DPP6: variants seen among roughly 807,000 people sequenced by gnomAD.
DPP6 encodes dipeptidyl peptidase like 6, also known as A-type potassium channel modulatory protein DPP6.
DPP6 carries 69 observed loss-of-function variants against 122.6 expected under a neutral mutation model. The observed-to-expected ratio is 0.56, with a 90% CI of 0.46 to 0.69. DPP6 has a LOEUF of 0.69. Among genes scored for constraint, DPP6 ranks in the 30% least tolerant of loss-of-function variants. DPP6 has a pLI of 0.00. For synonymous variants in DPP6, 418 were observed against 433.1 expected (o/e 0.97, Z 0.43); for missense variants, 928 against 1,116.9 (o/e 0.83, Z 2.41).
chr7:154,328,849 C>G (rs1378869531), intron 1 of DPP6, among the ~76,000 whole-genome samples: 2 of 152,122 alleles, frequency 1.3e-5, no homozygotes, highest in Non-Finnish European at 2.9e-5. Flanking sequence ...ATGCCAGAGC[C>G]AAAACCTTGG....
chr7:153,924,245 A>G (rs1196497792), intron 1 of DPP6, among the ~76,000 whole-genome samples: 1 of 151,658 alleles, frequency 6.6e-6, no homozygotes, highest in East Asian at 1.9e-4. Flanking sequence ...AGTAGCTGGG[A>G]TTATAGGCAC....
At chr7:154,077,198 T>A (rs1276155626) in intron 1 of DPP6, among the ~76,000 whole-genome samples, 4 of 152,186 alleles carry the variant, frequency 2.6e-5, no homozygotes, top group Admixed American at 2.6e-4. Context: ...GTTTGTGTAG[T>A]GATTGTAACT....
chr7:154,352,130 GA>G (rs1181714764), intron 1 of DPP6, among the ~76,000 whole-genome samples: 2 of 152,090 alleles, frequency 1.3e-5, no homozygotes, highest in Admixed American at 1.3e-4. Flanking sequence ...AAGTGGAGGG[GA>G]AGCAAACCTT....
At chr7:154,045,915 T>A (rs1799997847) in intron 1 of DPP6, among the ~76,000 whole-genome samples, 2 of 152,220 alleles carry the variant, frequency 1.3e-5, no homozygotes, top group Non-Finnish European at 2.9e-5. Context: ...GTTAACTGAA[T>A]AAGTGAAATG....
At chr7:154,786,625 G>A (rs1298737925) in intron 10 of DPP6, among the ~76,000 whole-genome samples, 1 of 152,166 alleles carries the variant, frequency 6.6e-6, no homozygotes, top group Non-Finnish European at 1.5e-5. Flanking sequence ...GGCCTCTGCA[G>A]CCCTGCAGAA....
At chr7:154,015,799 A>T (rs865873038) in intron 1 of DPP6, among the ~76,000 whole-genome samples, 1 of 152,022 alleles carries the variant, frequency 6.6e-6, no homozygotes. Flanking sequence ...GTCACTCCCA[A>T]GAGGTCCCTG....
chr7:154,617,887 G>T (rs1031168641), intron 5 of DPP6, among the ~76,000 whole-genome samples: 2 of 152,124 alleles, frequency 1.3e-5, no homozygotes, highest in Admixed American at 1.3e-4. Flanking sequence ...ATCGGGAGGC[G>T]TCGTGCTTTT....
intron 1 of DPP6, among the ~76,000 whole-genome samples, chr7:154,277,271 A>C (rs1804204246): frequency 6.6e-6 from 1 of 152,202 alleles, no homozygotes; most frequent in African/African-American, 2.4e-5. Context: ...TATTGCATCC[A>C]TGAATAATAA....
At chr7:153,769,346 AATAC>A in the DPP6 span, among the ~76,000 whole-genome samples, 2 of 152,222 alleles carry the variant, frequency 1.3e-5, no homozygotes, top group Non-Finnish European at 2.9e-5. Context: ...CAAGCTAATT[AATAC>A]ATCTGTCACC....
intron 8 of DPP6, among the ~76,000 whole-genome samples, chr7:154,728,368 C>T (rs183753418): frequency 3.3e-5 from 5 of 152,308 alleles, no homozygotes; most frequent in Admixed American, 2.0e-4. Context: ...CTGCTGAGAG[C>T]GCCTCCACCT....
intron 1 of DPP6, among the ~76,000 whole-genome samples, chr7:154,386,245 C>T (rs1226482359): frequency 6.6e-6 from 1 of 152,106 alleles, no homozygotes; most frequent in Non-Finnish European, 1.5e-5. Context: ...CTCGCATTTC[C>T]AGTGCCCCCA....
chr7:154,488,485 A>G (rs1823991942), intron 3 of DPP6, among the ~76,000 whole-genome samples: 1 of 151,918 alleles, frequency 6.6e-6, no homozygotes, highest in African/African-American at 2.4e-5. Context: ...CACCCTTGTA[A>G]TAAGAAACGC....
intron 6 of DPP6, among the ~76,000 whole-genome samples, chr7:154,645,902 C>T (rs1313922220): frequency 6.6e-6 from 1 of 151,758 alleles, no homozygotes; most frequent in Non-Finnish European, 1.5e-5. Context: ...GTGGTGGGCA[C>T]CTGTAGTCCC....
intron 1 of DPP6, among the ~76,000 whole-genome samples, chr7:153,899,029 G>A (rs1799526955): frequency 6.6e-6 from 1 of 152,152 alleles, no homozygotes; most frequent in Non-Finnish European, 1.5e-5. Flanking sequence ...TTAGTGTTTG[G>A]AATTACAGCC....
intron 1 of DPP6, among the ~76,000 whole-genome samples, chr7:154,405,421 G>A (rs904201253): frequency 6.6e-6 from 1 of 151,562 alleles, no homozygotes; most frequent in Non-Finnish European, 1.5e-5. Context: ...TGAAAATAAG[G>A]ATATTTTCCT....
intron 1 of DPP6, among the ~76,000 whole-genome samples, chr7:154,108,721 A>G (rs112594289): frequency 1.3e-5 from 2 of 152,122 alleles, no homozygotes; most frequent in Admixed American, 1.3e-4. Flanking sequence ...GCAACAACTC[A>G]CCCATTCCTT....
At chr7:154,038,050 A>G (rs1799620702) in intron 1 of DPP6, among the ~76,000 whole-genome samples, 1 of 138,376 alleles carries the variant, frequency 7.2e-6, no homozygotes, top group East Asian at 2.2e-4. Flanking sequence ...CATAAAACAT[A>G]TAATGATACA....
At chr7:154,724,955 AT>A (rs1046439104) in intron 7 of DPP6, among the ~76,000 whole-genome samples, 1 of 152,080 alleles carries the variant, frequency 6.6e-6, no homozygotes, top group African/African-American at 2.4e-5. Flanking sequence ...AGAACAGTAA[AT>A]TTTTTTCAAT....
intron 22 of DPP6, among the ~76,000 whole-genome samples, chr7:154,886,063 G>T (rs944106724): frequency 6.6e-6 from 1 of 152,260 alleles, no homozygotes; most frequent in African/African-American, 2.4e-5. Context: ...GAGGGGAGCA[G>T]GTGCCACAGG....
Sources: allele counts gnomAD v4.1 joint callset (sites outside exome capture counted in the v4.1 genomes callset), GRCh38; gene constraint gnomAD v4.1.1; transcripts MANE v1.5; gene names NCBI Gene and HGNC (gene_info 2026-07-23, HGNC 2026-07-21).